COG5: variants seen among roughly 807,000 people sequenced by gnomAD.
COG5 encodes the protein component of oligomeric golgi complex 5, also known as conserved oligomeric Golgi complex subunit 5.
COG5 carries 86 observed loss-of-function variants against 110.4 expected under a neutral mutation model. That is an observed-to-expected ratio of 0.78 (90% CI 0.65 to 0.93). COG5 has a LOEUF of 0.93. COG5 is among the 40% of genes least tolerant of loss of function. COG5 has a pLI of 0.00. For missense variants in COG5, 1,077 were observed against 987.0 expected, an observed-to-expected ratio of 1.09 and a Z score of -1.22; for synonymous variants, 360 against 334.6, an observed-to-expected ratio of 1.08 and a Z score of -0.83.
intron 7 of COG5, among the ~76,000 whole-genome samples, chr7:107,402,301 C>G (rs777604077): frequency 6.6e-6 from 1 of 152,124 alleles, no homozygotes; most frequent in Admixed American, 6.5e-5. Context: ...ACCACAGGGT[C>G]GAGATTATAG....
chr7:107,361,620 G>T (rs1399650514), intron 10 of COG5, among the ~76,000 whole-genome samples: 1 of 152,152 alleles, frequency 6.6e-6, no homozygotes, highest in South Asian at 2.1e-4. Context: ...GGAGTGCAGT[G>T]GCGTGACCTC....
At chr7:107,206,548 A>C (rs192052188) in intron 21 of COG5, among the ~76,000 whole-genome samples, 38 of 152,366 alleles carry the variant, frequency 2.5e-4, no homozygotes, top group African/African-American at 8.9e-4. Flanking sequence ...ACAGTAAAGA[A>C]ATCCCCAAGG....
intron 7 of COG5, among the ~76,000 whole-genome samples, chr7:107,380,485 C>A (rs748621355): frequency 1.3e-5 from 2 of 152,056 alleles, no homozygotes; most frequent in Non-Finnish European, 2.9e-5. Context: ...GGGGAGATCA[C>A]CACTGATCCC....
chr7:107,541,523 A>AAAAAAAAAAAT (rs60423657), intron 5 of COG5, among the ~76,000 whole-genome samples: 7 of 57,026 alleles, frequency 1.2e-4, no homozygotes, highest in African/African-American at 3.3e-4. Flanking sequence ...AAAAAAAAAA[A>AAAAAAAAAAAT]ATATATATAT....
intron 11 of COG5, among the ~76,000 whole-genome samples, chr7:107,316,804 CG>C (rs1282253622): frequency 2.6e-5 from 4 of 151,430 alleles, no homozygotes; most frequent in Admixed American, 2.6e-4. Context: ...GCACTCCAGC[CG>C]GGGGGACACA....
At chr7:107,261,314 TTCTC>T (rs146146553) in intron 14 of COG5, among the ~76,000 whole-genome samples, 4,168 of 149,024 alleles carry the variant, frequency 0.028, 72 homozygotes, top group African/African-American at 0.056. Flanking sequence ...ATCATTTGTA[TTCTC>T]TCTCTCTCTC....
At chr7:107,373,355 G>A (rs1219290693) in intron 7 of COG5, among the ~76,000 whole-genome samples, 1 of 152,066 alleles carries the variant, frequency 6.6e-6, no homozygotes, top group Non-Finnish European at 1.5e-5. Context: ...AAATAAAACA[G>A]AATAACGGGT....
chr7:107,535,371 T>C (rs1801510466), intron 5 of COG5, among the ~76,000 whole-genome samples: 1 of 151,362 alleles, frequency 6.6e-6, no homozygotes, highest in Non-Finnish European at 1.5e-5. Flanking sequence ...AATCAATGAA[T>C]CCAGGAGCTA....
At chr7:107,267,295 A>C (rs951873063) in intron 14 of COG5, among the ~76,000 whole-genome samples, 7 of 152,200 alleles carry the variant, frequency 4.6e-5, no homozygotes, top group African/African-American at 1.7e-4. Context: ...AGAAACGCAA[A>C]CACAATTTGC....
At chr7:107,530,376 C>T (rs557746735) in intron 5 of COG5, among the ~76,000 whole-genome samples, 1 of 152,042 alleles carries the variant, frequency 6.6e-6, no homozygotes, top group Non-Finnish European at 1.5e-5. Flanking sequence ...CCAAGGCGGG[C>T]GGATCACCTT....
chr7:107,523,009 C>T (rs967743302), intron 6 of COG5, among the ~76,000 whole-genome samples: 27 of 152,252 alleles, frequency 1.8e-4, no homozygotes, highest in African/African-American at 6.5e-4. Context: ...CTCTGAATTT[C>T]TATATGAATT....
At chr7:107,246,045 C>G (rs1387369534) in intron 17 of COG5, among the ~76,000 whole-genome samples, 1 of 152,104 alleles carries the variant, frequency 6.6e-6, no homozygotes, top group East Asian at 1.9e-4. Flanking sequence ...GAATAGAAAG[C>G]CCAGAAATAA....
intron 6 of COG5, among the ~76,000 whole-genome samples, chr7:107,500,022 T>C (rs550171582): frequency 2.0e-5 from 3 of 152,232 alleles, no homozygotes; most frequent in African/African-American, 4.8e-5. Context: ...AGTCCCTTCC[T>C]TGAGCCCAAA....
rs1800831300 is a variant in COG5 at position 107,527,216 on chromosome 7, T to TTA, written c.538+20_538+21insTA. 16 of 1,386,794 alleles carry TTA rather than the reference T, an allele frequency of 1.2e-5. No individual in the cohort carries two copies. The African/African-American group carries it at 1.4e-4, about 12-fold the overall frequency. 85.9% of individuals were successfully genotyped at this position (1,386,794 alleles called of 1,614,324 possible). A position where few individuals can be genotyped will look rare whatever the true frequency, so the allele number is the denominator to read the frequency against. ...TTTAAATCTCTACTAACTTTTTATTTAAAAAAAAAAAAAAACTTACCAAGT... is the reference window on the plus strand; with the variant it reads ...TTTAAATCTCTACTAACTTTTTATTTTAAAAAAAAAAAAAAAACTTACCAAGT... On this transcript the variant is annotated intron_variant, in intron 6 of 21. Transcript: ENST00000297135.
At chr7:107,464,739 C>T (rs769621832) in intron 6 of COG5, among the ~76,000 whole-genome samples, 6 of 152,106 alleles carry the variant, frequency 3.9e-5, no homozygotes, top group Non-Finnish European at 8.8e-5. Flanking sequence ...AACCAAAGAA[C>T]TGTATTACCC....
At chr7:107,363,754 G>A (rs781680876) in intron 8 of COG5, among the ~76,000 whole-genome samples, 5 of 152,096 alleles carry the variant, frequency 3.3e-5, no homozygotes, top group East Asian at 1.9e-4. Flanking sequence ...GTCAGGATTC[G>A]AGACCAGCTT....
intron 10 of COG5, among the ~76,000 whole-genome samples, chr7:107,343,838 T>C: frequency 6.6e-6 from 1 of 152,062 alleles, no homozygotes; most frequent in Non-Finnish European, 1.5e-5. Flanking sequence ...TGAGTAGGTA[T>C]ATTACCAATG....
chr7:107,275,452 T>A (rs1348804685), intron 14 of COG5, among the ~76,000 whole-genome samples: 1 of 151,638 alleles, frequency 6.6e-6, no homozygotes, highest in Non-Finnish European at 1.5e-5. Context: ...TTGCCTTTGA[T>A]CTTTTTTTTT....
chr7:107,396,340 CTAATA>C (rs1304700097), intron 7 of COG5, among the ~76,000 whole-genome samples: 1 of 151,990 alleles, frequency 6.6e-6, no homozygotes, highest in Admixed American at 6.6e-5. Context: ...CTCAGCTAAC[CTAATA>C]TAATTATTTC....
Sources: allele counts gnomAD v4.1 joint callset (sites outside exome capture counted in the v4.1 genomes callset), GRCh38; gene constraint gnomAD v4.1.1; transcripts MANE v1.5; gene names NCBI Gene and HGNC (gene_info 2026-07-23, HGNC 2026-07-21).